Variants in ADPGK observed in about 807,000 individuals in gnomAD.
ADPGK encodes the protein ADP-dependent glucokinase.
ADPGK carries 26 observed loss-of-function variants against 42.4 expected under a neutral mutation model. That is an observed-to-expected ratio of 0.61 (90% confidence interval 0.45 to 0.85). The LOEUF (loss-of-function observed/expected upper bound fraction) is 0.85, where lower values mean the gene tolerates loss of function less well. Ranked by LOEUF, ADPGK falls within the 40% of genes least tolerant of loss-of-function variation. The pLI, the probability that ADPGK is intolerant of heterozygous loss-of-function variation, is 0.00. For synonymous variants in ADPGK, 267 were observed against 252.6 expected, an observed-to-expected ratio of 1.06 and a Z score of -0.54; for missense variants, 571 against 627.0, an observed-to-expected ratio of 0.91 and a Z score of 0.95.
chr15:72,763,831 A>G (rs941673578), intron 3 of ADPGK, among the ~76,000 whole-genome samples: 1 of 152,204 alleles, frequency 6.6e-6, no homozygotes, highest in Non-Finnish European at 1.5e-5. Context: ...TCTCTGTCAC[A>G]TTTTGGTAGT....
At chr15:72,753,158 A>G (rs1483938662) in intron 6 of ADPGK, among the ~76,000 whole-genome samples, 1 of 152,218 alleles carries the variant, frequency 6.6e-6, no homozygotes, top group Non-Finnish European at 1.5e-5. Context: ...GACAAAAGGC[A>G]GAGGTGTCTA....
chr15:72,758,246 A>AATG, intron 4 of ADPGK: 5 of 931,026 alleles, frequency 5.4e-6, no homozygotes, highest in Admixed American at 1.8e-5. Flanking sequence ...TCTGCCTGTA[A>AATG]TGGTAGTTAG....
intron 2 of ADPGK, among the ~76,000 whole-genome samples, chr15:72,773,982 C>T (rs879619778): frequency 6.6e-6 from 1 of 152,180 alleles, no homozygotes; most frequent in East Asian, 1.9e-4. Context: ...GATCCTCCCA[C>T]AGGCACATGC....
At chr15:72,762,780 G>A (rs1338311009) in intron 3 of ADPGK, among the ~76,000 whole-genome samples, 1 of 152,056 alleles carries the variant, frequency 6.6e-6, no homozygotes, top group African/African-American at 2.4e-5. Context: ...TCAGGAGTTC[G>A]AGACCAGCCT....
In ADPGK at chr15:72,751,438, T is replaced by C. The variant is rs986931554; in HGVS notation, c.*903A>G. On this transcript the variant is annotated 3_prime_UTR_variant, in exon 7 of 7. Coordinates refer to ENST00000456471, the MANE Select transcript of ADPGK (RefSeq NM_001365225.1). ...GTCTTGATTTATAAAAAAATAAATA[T>C]ATAACATGACAAATTTACTGATGAT... The C allele has an allele frequency of 1.3e-5, 2 of 152,642 alleles. No individual in the cohort carries two copies. Among genetic ancestry groups the C allele is most frequent in the Non-Finnish European group, 1.5e-5 (1 of 68,040 alleles). 9.5% of individuals were successfully genotyped at this position (152,642 alleles called of 1,614,324 possible).
intron 4 of ADPGK, chr15:72,760,176 G>A (rs1031028485): frequency 2.2e-5 from 7 of 314,818 alleles, no homozygotes; most frequent in African/African-American, 4.3e-5. Flanking sequence ...TGGGTTCGGA[G>A]CAATTCTGCT....
In ADPGK at chr15:72,783,650, C is replaced by T; in HGVS notation, c.42G>A (p.Ala14=). 1 of 1,509,306 alleles carries T rather than the reference C, an allele frequency of 6.6e-7. No individual in the cohort carries two copies. The highest frequency in any genetic ancestry group is 8.8e-7 in the Non-Finnish European group (1 of 1,136,614). The allele number at this position is 1,509,306 out of a possible 1,614,324, so 93.5% of individuals were successfully genotyped here. Residue 14 remains alanine (A), a synonymous_variant, in exon 1 of 7, where the codon GCG becomes GCA. Transcript: ENST00000456471. ...WRGSAYAGFL[A]LAVGCVFLLE... ...GCAGGAAGACGCAGCCCACGGCCAG[C>T]GCCAGGAAGCCCGCGTACGCGGAGC...
chr15:72,783,496 C>T lies in ADPGK; in HGVS notation c.196G>A (p.Val66Met), dbSNP rs776209142. The T allele has an allele frequency of 3.4e-6, 5 of 1,450,888 alleles. No homozygotes were observed. Among genetic ancestry groups the T allele is most frequent in the Non-Finnish European group, 4.5e-6 (5 of 1,108,660 alleles). The allele number at this position is 1,450,888 out of a possible 1,614,324, so 89.9% of individuals were successfully genotyped here. Residue 66 changes from valine (V) to methionine (M), a missense_variant, in exon 1 of 7, where the codon GTG becomes ATG. By Grantham distance (21) the Val-to-Met change is conservative. Coordinates refer to ENST00000456471, the MANE Select transcript of ADPGK (RefSeq NM_001365225.1). ...CGGCGCCAGCGCCGGACTGGCCGCA[C>T]GATAAGCGCGTCCCAGGCTGCCGCC... is the stretch of plus-strand genomic sequence containing the variant. ...RLAAAWDALIVRPVRRWRRVA... is the reference protein window; with the variant it reads ...RLAAAWDALIMRPVRRWRRVA...
chr15:72,783,037 G>A (rs1291125502), intron 1 of ADPGK: 2 of 223,850 alleles, frequency 8.9e-6, no homozygotes, highest in Non-Finnish European at 1.5e-5. Flanking sequence ...ACGGCGTTTC[G>A]AAAGTGGGTA....
chr15:72,770,344 A>G (rs2066313723), intron 3 of ADPGK, among the ~76,000 whole-genome samples: 1 of 152,234 alleles, frequency 6.6e-6, no homozygotes, highest in African/African-American at 2.4e-5. Flanking sequence ...GCTACTCCAG[A>G]GACCAAGAGC....
At chr15:72,780,652 C>T (rs981488919) in intron 1 of ADPGK, among the ~76,000 whole-genome samples, 1 of 152,096 alleles carries the variant, frequency 6.6e-6, no homozygotes, top group Non-Finnish European at 1.5e-5. Flanking sequence ...AAAAATTAGC[C>T]GGGTGTGGTG....
chr15:72,754,352 A>G (rs981952699), intron 6 of ADPGK, among the ~76,000 whole-genome samples: 1 of 152,028 alleles, frequency 6.6e-6, no homozygotes, highest in African/African-American at 2.4e-5. Context: ...CTGAAATACC[A>G]TTTTTTCATC....
chr15:72,766,627 A>G (rs533929910), intron 3 of ADPGK, among the ~76,000 whole-genome samples: 2 of 152,364 alleles, frequency 1.3e-5, no homozygotes, highest in East Asian at 1.9e-4. Flanking sequence ...CTTTTAATGC[A>G]CTGGGAAACA....
rs2066060009 is a variant in ADPGK, at chr15:72,752,578, G to GATA, written c.1256_1257insTAT (p.Ile420dup). 2 of 1,614,232 alleles carry GATA rather than the reference G, an allele frequency of 1.2e-6. No individual in the cohort carries two copies. The highest frequency in any genetic ancestry group is 1.7e-6 in the Non-Finnish European group (2 of 1,180,048). Reference sequence around the variant, plus strand: ...TCAGAGACACTCGGCTGGTGTCTATGGTTTCTGTGGCGCAGGCCTGTGTCC... The same window carrying GATA: ...TCAGAGACACTCGGCTGGTGTCTATGATAGTTTCTGTGGCGCAGGCCTGTGTCC... On this transcript the variant is annotated inframe_insertion, in exon 7 of 7. Transcript: ENST00000456471.
chr15:72,768,307 T>C (rs1308317801), intron 3 of ADPGK, among the ~76,000 whole-genome samples: 1 of 152,130 alleles, frequency 6.6e-6, no homozygotes, highest in Admixed American at 6.5e-5. Flanking sequence ...CCTAGAAGGC[T>C]TCACTAGAAG....
At chr15:72,774,850 A>G in intron 2 of ADPGK, 22 bp downstream of exon 2, 1 of 1,582,980 alleles carries the variant, frequency 6.3e-7, no homozygotes, top group Non-Finnish European at 8.6e-7. Context: ...CCCTTAATTT[A>G]CTATTGCTGA....
intron 4 of ADPGK, chr15:72,758,663 A>C (rs1168798789): frequency 5.6e-6 from 1 of 177,630 alleles, no homozygotes; most frequent in African/African-American, 2.4e-5. Flanking sequence ...AAGGATGGAG[A>C]CACTCTCTTT....
chr15:72,761,633 A>G (rs1042107059), intron 3 of ADPGK, among the ~76,000 whole-genome samples: 1 of 151,850 alleles, frequency 6.6e-6, no homozygotes, highest in Non-Finnish European at 1.5e-5. Flanking sequence ...ATTCAAAACC[A>G]CTGAACAATG....
intron 6 of ADPGK, among the ~76,000 whole-genome samples, chr15:72,753,129 T>C (rs1356373801): frequency 2.0e-5 from 3 of 152,188 alleles, no homozygotes; most frequent in East Asian, 1.9e-4. Context: ...ATGCAGTCTT[T>C]TGTGATATGC....
Sources: allele counts gnomAD v4.1 joint callset (sites outside exome capture counted in the v4.1 genomes callset), GRCh38; gene constraint gnomAD v4.1.1; transcripts MANE v1.5; gene names NCBI Gene and HGNC (gene_info 2026-07-23, HGNC 2026-07-21).